ATP8B3: variants seen among roughly 807,000 people sequenced by gnomAD.
ATP8B3 encodes ATPase phospholipid transporting 8B3, also known as phospholipid-transporting ATPase IK.
A neutral mutation model predicts 140.9 loss-of-function variants in ATP8B3; 141 were observed. The ratio of observed to expected loss-of-function variants is 1.00; its 90% CI spans 0.87 to 1.15. The LOEUF (loss-of-function observed/expected upper bound fraction) is 1.15. Among genes scored for constraint, ATP8B3 ranks in the 50% most tolerant of loss-of-function variants. ATP8B3 has a pLI of 0.00. For synonymous variants in ATP8B3, 765 were observed against 714.6 expected (o/e 1.07, Z -1.13); for missense variants, 1,874 against 1,740.6 (o/e 1.08, Z -1.36).
chr19:1,803,797 G>T (rs1007510308), intron 10 of ATP8B3, among the ~76,000 whole-genome samples: 2 of 151,554 alleles, frequency 1.3e-5, no homozygotes, highest in African/African-American at 4.9e-5. Flanking sequence ...TCGGGAGGCT[G>T]AGGCAGGAGA....
intron 24 of ATP8B3, 37 bp from the exon 25 acceptor site, chr19:1,787,223 C>A: frequency 1.3e-6 from 2 of 1,548,046 alleles, no homozygotes; most frequent in Admixed American, 1.8e-5. Context: ...AACAAGTCAG[C>A]CTCCAGGCAC....
rs750034095 is a variant in ATP8B3 at position 1,792,114 on chromosome 19, G to T, written c.2077C>A (p.Arg693=). 1.9e-6 allele frequency: 3 copies of T among 1,578,106 alleles called. No homozygotes were observed. The highest frequency in any genetic ancestry group is 1.3e-5 in the African/African-American group (1 of 74,338). ...TCCCTGTAGGCCAGGCACAGTGTCC[G>T]CAGGGTCTCCTGGGCAAAGGCCTGG... The part of the protein sequence containing the change: ...ALAAFAQETL[R]TLCLAYREVA... The change falls in exon 19 of 29, where the codon CGG becomes AGG. Residue 693 remains arginine (R), a synonymous_variant. Coordinates refer to ENST00000310127, the MANE Select transcript of ATP8B3 (RefSeq NM_138813.4).
At chr19:1,783,362 C>A (rs1033539963) in intron 28 of ATP8B3, 92 bp from the exon 29 acceptor site, 6 of 1,458,054 alleles carry the variant, frequency 4.1e-6, no homozygotes, top group African/African-American at 2.8e-5. Flanking sequence ...GGATTCAAAG[C>A]CCTTGGCCAC....
At chr19:1,804,130 C>T (rs1287281922) in intron 10 of ATP8B3, among the ~76,000 whole-genome samples, 1 of 152,146 alleles carries the variant, frequency 6.6e-6, no homozygotes, top group Non-Finnish European at 1.5e-5. Flanking sequence ...ACTGTACCCC[C>T]AGACTGGGCT....
rs749187292 is a variant in ATP8B3, at chr19:1,796,022, TC to T, written c.1943-36del. 84 of 1,611,582 alleles carry T rather than the reference TC, an allele frequency of 5.2e-5. 1 individual carries two copies. Among genetic ancestry groups the T allele is most frequent in the South Asian group, 2.5e-4 (23 of 91,028 alleles). Reference sequence around the variant, plus strand: ...AACAGGCCCTGCTGCCCACAGAGGCTCCCCGTCTGCCCGCCCCACCTTGGGG... The same window carrying T: ...AACAGGCCCTGCTGCCCACAGAGGCTCCCGTCTGCCCGCCCCACCTTGGGG... On this transcript the variant is annotated intron_variant, in intron 17 of 28. Coordinates refer to ENST00000310127, the MANE Select transcript of ATP8B3 (RefSeq NM_138813.4).
In ATP8B3 at chr19:1,800,470, G is replaced by T. The variant is rs745672856; in HGVS notation, c.1153-21C>A. 4 of 1,594,488 alleles carry T rather than the reference G, an allele frequency of 2.5e-6. No homozygotes were observed. The highest frequency in any genetic ancestry group is 1.3e-5 in the African/African-American group (1 of 74,494). On this transcript the variant is annotated intron_variant, in intron 12 of 28. Transcript: ENST00000310127. The surrounding 1 kb of genome is among the most constrained non-coding windows in gnomAD (Gnocchi z 4.4). ...AAGATCTGGAAGGCAGACGCGACAGGGTGGGTGAGGGGGGCGGGGGTCCCC... is the reference window on the plus strand; with the variant it reads ...AAGATCTGGAAGGCAGACGCGACAGTGTGGGTGAGGGGGGCGGGGGTCCCC...
At chr19:1,796,952 G>C (rs776876739) in intron 15 of ATP8B3, 22 bp downstream of exon 15, 27 of 1,612,746 alleles carry the variant, frequency 1.7e-5, no homozygotes, top group Non-Finnish European at 2.3e-5. Context: ...ACCGTCCCGC[G>C]CTGCAAGCCA....
In ATP8B3 at chr19:1,805,474, A is replaced by G. The variant is rs1285104543; in HGVS notation, c.822-18T>C. On this transcript the variant is annotated intron_variant, in intron 9 of 28. Transcript: ENST00000310127. This position sits in a 1 kb window ranked among gnomAD's most constrained non-coding sequence, Gnocchi z 5.2. ...TGGTCTCCCTGGTGACGAGGAGAGG[A>G]GGGAGGTGAAAGTGGAGTTGATGGA... 1.9e-6 allele frequency: 3 copies of G among 1,547,814 alleles called. No homozygotes were observed. The Admixed American group carries it at 5.8e-5, about 30-fold the overall frequency.
intron 25 of ATP8B3, among the ~76,000 whole-genome samples, 187 bp from the exon 26 acceptor site, chr19:1,785,895 T>A (rs2068290853): frequency 6.6e-6 from 1 of 150,716 alleles, no homozygotes; most frequent in Admixed American, 6.6e-5. Flanking sequence ...CTTTAGGAGG[T>A]CAAGGTGGGA....
Position 1,805,857 on chromosome 19 carries a change from C to A in ATP8B3, c.821+31G>T. 1 of 1,612,004 alleles carries A rather than the reference C, an allele frequency of 6.2e-7. No individual in the cohort carries two copies. Among genetic ancestry groups the A allele is most frequent in the Non-Finnish European group, 8.5e-7 (1 of 1,179,276 alleles). On this transcript the variant is annotated intron_variant, in intron 9 of 28. Transcript: ENST00000310127. The surrounding 1 kb of genome is among the most constrained non-coding windows in gnomAD (Gnocchi z 5.2). Reference sequence around the variant, plus strand: ...CCTCCGGGCCATGCTCCCCACCCCCCAGGGTCCCCAGCGATGCCACAGCTC... The same window carrying A: ...CCTCCGGGCCATGCTCCCCACCCCCAAGGGTCCCCAGCGATGCCACAGCTC...
intron 14 of ATP8B3, chr19:1,799,408 G>A (rs2068772488): frequency 6.4e-6 from 1 of 156,048 alleles, no homozygotes; most frequent in African/African-American, 2.6e-5. Flanking sequence ...TCAGTGAGCA[G>A]AGATCGCACC....
In ATP8B3 at chr19:1,782,411, G is replaced by A. The variant is rs1394709313; in HGVS notation, c.*617C>T. The A allele has an allele frequency of 1.4e-5, 3 of 214,034 alleles. No homozygotes were observed. Among genetic ancestry groups the A allele is most frequent in the African/African-American group, 2.3e-5 (1 of 42,778 alleles). The allele number at this position is 214,034 out of a possible 1,614,324, so 13.3% of individuals were successfully genotyped here. ...CATGGATGATGATGACTGCTTCTCCGCGGGCCACAGCTCCACCTCCATAGG... is the reference window on the plus strand; with the variant it reads ...CATGGATGATGATGACTGCTTCTCCACGGGCCACAGCTCCACCTCCATAGG... On this transcript the variant is annotated 3_prime_UTR_variant, in exon 29 of 29. Transcript: ENST00000310127.
At position 1,805,335 on chromosome 19, in the gene ATP8B3, A is replaced by G; in HGVS notation, c.904+39T>C. 6.6e-7 allele frequency: 1 copy of G among 1,508,250 alleles called. No homozygotes were observed. Among genetic ancestry groups the G allele is most frequent in the South Asian group, 1.2e-5 (1 of 83,318 alleles). The allele number at this position is 1,508,250 out of a possible 1,614,324, so 93.4% of individuals were successfully genotyped here. ...AAATACCCTAACTTTTAACTTTTAC[A>G]GATTCGAGGGACGTGACTCCCTGCT... On this transcript the variant is annotated intron_variant, in intron 10 of 28. Transcript: ENST00000310127. The surrounding 1 kb of genome is among the most constrained non-coding windows in gnomAD (Gnocchi z 5.2).
At position 1,789,346 on chromosome 19, in the gene ATP8B3, G is replaced by A. The variant is rs1280261297; in HGVS notation, c.2845+15C>T. 1.2e-5 allele frequency: 15 copies of A among 1,220,328 alleles called. No homozygotes were observed. The East Asian group carries it at 6.7e-4, about 55-fold the overall frequency. The allele number at this position is 1,220,328 out of a possible 1,614,324, so 75.6% of individuals were successfully genotyped here. ...ACTCGTCCCAGGCACCCCCAGCCCC[G>A]CCGCCGCCACCCACTCTTGATCATG... On this transcript the variant is annotated intron_variant, in intron 23 of 28. Transcript: ENST00000310127.
At position 1,796,610 on chromosome 19, in the gene ATP8B3, T is replaced by C. The variant is rs1049872470; in HGVS notation, c.1753+101A>G. The C allele has an allele frequency of 3.0e-5, 44 of 1,443,972 alleles. No homozygotes were observed. The East Asian group carries it at 9.5e-4, about 31-fold the overall frequency. The allele number at this position is 1,443,972 out of a possible 1,614,324, so 89.4% of individuals were successfully genotyped here. ...CGGCCTCAGCGCCCCCCAAGCCAGC[T>C]GAAAGCCCTGGAAGATGGGCCGGGT... On this transcript the variant is annotated intron_variant, in intron 16 of 28. Transcript: ENST00000310127.
Position 1,811,636 on chromosome 19 carries a change from G to A in ATP8B3, c.101C>T (p.Thr34Ile), listed in dbSNP as rs1375757234. 6.2e-7 allele frequency: 1 copy of A among 1,611,548 alleles called. No homozygotes were observed. The highest frequency in any genetic ancestry group is 8.5e-7 in the Non-Finnish European group (1 of 1,179,708). ...GCCAGCAGGACCTGAGCCTTCCTGA[G>A]TCACGTCTGAGTCACCCGTGTCCCC... ...GPGDTGDSDV[T>I]QEGSGPAGIR... is the part of the protein sequence containing the mutation. The change falls in exon 2 of 29, where the codon ACT becomes ATT. Residue 34 changes from threonine to isoleucine, a missense_variant. This residue lies in a region of ATP8B3 where 1,032 missense variants were observed against 963.6 expected (regional missense o/e 1.07). Coordinates refer to ENST00000310127, the MANE Select transcript of ATP8B3 (RefSeq NM_138813.4).
In ATP8B3 at chr19:1,794,958, G is replaced by A. The variant is rs1333351727; in HGVS notation, c.2055+917C>T. Among the ~76,000 whole-genome samples, 1 of 152,166 alleles carries A rather than the reference G, an allele frequency of 6.6e-6. No homozygotes were observed. Among genetic ancestry groups the A allele is most frequent in the African/African-American group, 2.4e-5 (1 of 41,452 alleles). ...AACCGCACGGTCGTCTTGTGCAAATGAGAAAAATACACCCTTGGCCGGGCG... is the reference window on the plus strand; with the variant it reads ...AACCGCACGGTCGTCTTGTGCAAATAAGAAAAATACACCCTTGGCCGGGCG... On this transcript the variant is annotated intron_variant, in intron 18 of 28. Coordinates refer to ENST00000310127, the MANE Select transcript of ATP8B3 (RefSeq NM_138813.4). This position sits in a 1 kb window ranked among gnomAD's most constrained non-coding sequence, Gnocchi z 4.8.
intron 22 of ATP8B3, 23 bp downstream of exon 22, chr19:1,789,867 C>G: frequency 1.9e-6 from 3 of 1,609,514 alleles, no homozygotes; most frequent in Non-Finnish European, 2.5e-6. Flanking sequence ...GGGACCCCGC[C>G]GTCCACCCTG....
chr19:1,789,963 T>C lies in ATP8B3; in HGVS notation c.2405A>G (p.Asn802Ser), dbSNP rs2068440757. Residue 802 changes from asparagine to serine, a missense_variant, in exon 22 of 29, where the codon AAC becomes AGC. Transcript: ENST00000310127. ...CTCCCTGGTTAGAAGGTTGTTACTG[T>C]TTTCCCAGTAGGTCTCCAGGATGCG... ...ISRILETYWE[N>S]SNNLLTRESL... 1 of 1,611,884 alleles carries C rather than the reference T, an allele frequency of 6.2e-7. No individual in the cohort carries two copies. Among genetic ancestry groups the C allele is most frequent in the South Asian group, 1.1e-5 (1 of 91,074 alleles).
Sources: gnomAD v4.1 joint callset for allele counts (sites outside exome capture counted in the v4.1 genomes callset) on GRCh38, gnomAD v4.1.1 for gene constraint, gnomAD v4.1.1 regional missense constraint, Gnocchi (gnomAD v3.1) non-coding constraint, MANE v1.5 for transcripts, NCBI Gene and HGNC (gene_info 2026-07-23, HGNC 2026-07-21) for gene names.